The following ALDH1L2 variants were observed in gnomAD, a reference collection of about 807,000 sequenced individuals.
ALDH1L2 encodes the protein aldehyde dehydrogenase 1 family member L2.
A neutral mutation model predicts 111.0 loss-of-function variants in ALDH1L2; 91 were observed. The ratio of observed to expected loss-of-function variants is 0.82; its 90% CI spans 0.69 to 0.98. ALDH1L2 has a LOEUF of 0.98. Ranked by LOEUF, ALDH1L2 falls within the 50% of genes least tolerant of loss-of-function variation. The probability of loss-of-function intolerance (pLI) is 0.00; values close to 1 mark genes in which losing one functional copy is unlikely to be tolerated. For synonymous variants in ALDH1L2, 374 were observed against 392.6 expected, an observed-to-expected ratio of 0.95 and a Z score of 0.56; for missense variants, 995 against 1,126.8, an observed-to-expected ratio of 0.88 and a Z score of 1.67.
intron 1 of ALDH1L2, 95 bp from the exon 2 acceptor site, chr12:105,074,100 A>T (rs1389913788): frequency 2.0e-6 from 3 of 1,476,150 alleles, no homozygotes; most frequent in Admixed American, 1.9e-5. Context: ...TACGATGTTC[A>T]CTCTTTGGGT....
intron 18 of ALDH1L2, among the ~76,000 whole-genome samples, 170 bp downstream of exon 18, chr12:105,037,933 G>A (rs1875257892): frequency 6.6e-6 from 1 of 151,858 alleles, no homozygotes; most frequent in South Asian, 2.1e-4. Flanking sequence ...CACGGCTAAT[G>A]TTTTTGCATT....
At chr12:105,074,109 G>T in intron 1 of ALDH1L2, 104 bp from the exon 2 acceptor site, 1 of 1,433,968 alleles carries the variant, frequency 7.0e-7, no homozygotes, top group Non-Finnish European at 9.5e-7. Context: ...CACTCTTTGG[G>T]TATCAGGTAC....
chr12:105,065,223 A>C, intron 6 of ALDH1L2, 44 bp downstream of exon 6: 27 of 1,003,258 alleles, frequency 2.7e-5, no homozygotes, highest in Non-Finnish European at 3.2e-5. Flanking sequence ...TTACAAAGGT[A>C]ATAATCGGGG....
chr12:105,055,631 TC>T (rs1489132087), intron 10 of ALDH1L2, among the ~76,000 whole-genome samples: 1 of 152,176 alleles, frequency 6.6e-6, no homozygotes, highest in Admixed American at 6.5e-5. Flanking sequence ...AGAAAGATTT[TC>T]AATAAGCTTT....
At chr12:105,059,367 C>G (rs765621036) in intron 9 of ALDH1L2, among the ~76,000 whole-genome samples, 2 of 150,708 alleles carry the variant, frequency 1.3e-5, no homozygotes, top group Non-Finnish European at 3.0e-5. Context: ...GCCTGTAATC[C>G]CAACTAGTAG....
chr12:105,046,218 T>A (rs1056079400), intron 15 of ALDH1L2, among the ~76,000 whole-genome samples: 1 of 46,732 alleles, frequency 2.1e-5, no homozygotes, highest in African/African-American at 9.1e-5. Context: ...TATATATATA[T>A]ATATTTTTTT....
chr12:105,067,510 T>C (rs1877443433), intron 4 of ALDH1L2, among the ~76,000 whole-genome samples: 1 of 152,236 alleles, frequency 6.6e-6, no homozygotes, highest in Non-Finnish European at 1.5e-5. Context: ...TTCAACTTGC[T>C]TTCTAGTTTA....
intron 13 of ALDH1L2, 109 bp from the exon 14 acceptor site, chr12:105,047,078 A>G: frequency 8.0e-7 from 1 of 1,247,966 alleles, no homozygotes; most frequent in Admixed American, 1.9e-5. Context: ...AGCTGATATG[A>G]AAAGAGCGTT....
intron 19 of ALDH1L2, among the ~76,000 whole-genome samples, chr12:105,032,962 T>G (rs762338261): frequency 1.3e-5 from 2 of 152,212 alleles, no homozygotes; most frequent in Non-Finnish European, 2.9e-5. Flanking sequence ...TGTTCATCAC[T>G]GACATGTATT....
intron 18 of ALDH1L2, among the ~76,000 whole-genome samples, chr12:105,035,899 A>G (rs1874968111): frequency 8.3e-6 from 1 of 121,098 alleles, no homozygotes; most frequent in South Asian, 2.3e-4. Flanking sequence ...GTATATTTAT[A>G]TGTGTATATA....
intron 1 of ALDH1L2, among the ~76,000 whole-genome samples, chr12:105,076,637 A>G (rs1042195578): frequency 5.3e-5 from 8 of 152,210 alleles, no homozygotes; most frequent in Non-Finnish European, 1.2e-4. Flanking sequence ...TACCTATCTC[A>G]TAAGGTTGTT....
chr12:105,075,356 G>C (rs542988475), intron 1 of ALDH1L2, among the ~76,000 whole-genome samples: 1 of 152,192 alleles, frequency 6.6e-6, no homozygotes, highest in Admixed American at 6.5e-5. Flanking sequence ...AGGCTGAGGC[G>C]GGTGAATCAC....
At chr12:105,078,875 G>A (rs1294270394) in intron 1 of ALDH1L2, among the ~76,000 whole-genome samples, 1 of 152,180 alleles carries the variant, frequency 6.6e-6, no homozygotes, top group South Asian at 2.1e-4. Flanking sequence ...AGAGGGTGCG[G>A]TATTTACAAA....
intron 1 of ALDH1L2, among the ~76,000 whole-genome samples, chr12:105,075,310 C>T (rs993344134): frequency 6.6e-6 from 1 of 152,232 alleles, no homozygotes; most frequent in Admixed American, 6.5e-5. Flanking sequence ...GTTGGCCGGG[C>T]GCGGTGGCTC....
intron 9 of ALDH1L2, among the ~76,000 whole-genome samples, chr12:105,059,011 G>C (rs1182578812): frequency 6.6e-6 from 1 of 151,944 alleles, no homozygotes; most frequent in Non-Finnish European, 1.5e-5. Flanking sequence ...GCTCACACCT[G>C]TAATCCCAAC....
At chr12:105,045,932 T>A (rs1170031833) in intron 15 of ALDH1L2, among the ~76,000 whole-genome samples, 1 of 151,930 alleles carries the variant, frequency 6.6e-6, no homozygotes, top group Non-Finnish European at 1.5e-5. Flanking sequence ...GAAGTTTATT[T>A]TTCTTCTAAT....
At chr12:105,065,539 T>C (rs1321970524) in intron 5 of ALDH1L2, among the ~76,000 whole-genome samples, 183 bp from the exon 6 acceptor site, 1 of 152,212 alleles carries the variant, frequency 6.6e-6, no homozygotes, top group East Asian at 1.9e-4. Context: ...AGAGACTTTA[T>C]TAAAGGAAAA....
At position 105,023,628 on chromosome 12, in the gene ALDH1L2, C is replaced by G. The variant is rs12372454; in HGVS notation, c.*796G>C. ...GGGTCCTGAGGAAGGCATTTACTATCCCTGTTTTACACATAGGGAAGCAGA... is the reference window on the plus strand; with the variant it reads ...GGGTCCTGAGGAAGGCATTTACTATGCCTGTTTTACACATAGGGAAGCAGA... On this transcript the variant is annotated 3_prime_UTR_variant, in exon 23 of 23. Transcript: ENST00000258494. The G allele has an allele frequency of 1.3e-5, 2 of 152,102 alleles. No individual in the cohort carries two copies. The highest frequency in any genetic ancestry group is 4.8e-5 in the African/African-American group (2 of 41,416). The allele number at this position is 152,102 out of a possible 1,614,324, so 9.4% of individuals were successfully genotyped here. A position where few individuals can be genotyped will look rare whatever the true frequency, so the allele number is the denominator to read the frequency against.
chr12:105,071,627 T>C (rs1208175129), intron 2 of ALDH1L2, among the ~76,000 whole-genome samples: 1 of 17,322 alleles, frequency 5.8e-5, no homozygotes, highest in Non-Finnish European at 1.0e-4. Context: ...TATATATATA[T>C]ATATATATAT....
Sources: allele counts gnomAD v4.1 joint callset (sites outside exome capture counted in the v4.1 genomes callset), GRCh38; gene constraint gnomAD v4.1.1; transcripts MANE v1.5; gene names NCBI Gene and HGNC (gene_info 2026-07-23, HGNC 2026-07-21).